GNAO1: variants seen among roughly 807,000 people sequenced by gnomAD.
The protein encoded by GNAO1 is guanine nucleotide-binding protein G(o) subunit alpha.
For missense variants in GNAO1, 166 were observed against 478.7 expected (o/e 0.35, Z 6.10); for synonymous variants, 164 against 180.7 (o/e 0.91, Z 0.74).
At chr16:56,224,949 G>A (rs1431784412) in intron 2 of GNAO1, among the ~76,000 whole-genome samples, 3 of 152,234 alleles carry the variant, frequency 2.0e-5, no homozygotes, top group African/African-American at 7.2e-5. Context: ...CAGGGACAGA[G>A]CTGTGCTGTC....
intron 2 of GNAO1, among the ~76,000 whole-genome samples, chr16:56,224,866 ACTTAT>A (rs1567444907): frequency 4.6e-5 from 7 of 152,214 alleles, no homozygotes; most frequent in African/African-American, 1.7e-4. Flanking sequence ...CCATCTGGAC[ACTTAT>A]AAGGTCTCAA....
At chr16:56,334,303 G>C (rs569110121) in intron 4 of GNAO1, among the ~76,000 whole-genome samples, 1 of 152,202 alleles carries the variant, frequency 6.6e-6, no homozygotes, top group African/African-American at 2.4e-5. Flanking sequence ...CCTCAGGCAA[G>C]GTACTTACCT....
At position 56,311,014 on chromosome 16, in the gene GNAO1, A is replaced by G. The variant is rs762265992; in HGVS notation, c.304-17617A>G. Among the ~76,000 whole-genome samples, 8 of 152,202 alleles carry G rather than the reference A, an allele frequency of 5.3e-5. No homozygotes were observed. The highest frequency in any genetic ancestry group is 8.8e-5 in the Non-Finnish European group (6 of 68,048). On this transcript the variant is annotated intron_variant, in intron 3 of 8. Transcript: ENST00000262493. The surrounding 1 kb of genome is among the most constrained non-coding windows in gnomAD (Gnocchi z 5.2). ...ATTGATTTCAACTTAGTTACATGGC[A>G]GGTTGTGGCCTACAGAAAAGTTCCC...
chr16:56,219,642 C>T (rs1404053805), intron 2 of GNAO1, among the ~76,000 whole-genome samples: 1 of 152,124 alleles, frequency 6.6e-6, no homozygotes, highest in African/African-American at 2.4e-5. Context: ...TTAAGGTGTA[C>T]AGCAAACCAG....
intron 4 of GNAO1, 22 bp from the exon 5 acceptor site, chr16:56,334,707 C>T (rs749436723): frequency 5.0e-6 from 8 of 1,613,546 alleles, no homozygotes; most frequent in Non-Finnish European, 6.8e-6. Context: ...GTCCATAGTC[C>T]CCTGTTTGTT....
At chr16:56,287,103 C>T (rs1315640575) in intron 3 of GNAO1, among the ~76,000 whole-genome samples, 1 of 152,226 alleles carries the variant, frequency 6.6e-6, no homozygotes, top group Non-Finnish European at 1.5e-5. Context: ...GGTGGCAGGA[C>T]ACATGGGTGC....
intron 2 of GNAO1, chr16:56,193,885 G>GT: frequency 8.4e-6 from 3 of 356,588 alleles, no homozygotes; most frequent in Non-Finnish European, 1.7e-5. Context: ...CTAATTAGGG[G>GT]TTGCTGTGCA....
At chr16:56,245,650 A>G (rs1169314058) in intron 2 of GNAO1, 1 of 154,774 alleles carries the variant, frequency 6.5e-6, no homozygotes, top group Non-Finnish European at 1.5e-5. Flanking sequence ...AGGGCACTTG[A>G]ATAGAAAGAG....
chr16:56,192,514 T>A, intron 1 of GNAO1, 60 bp from the exon 2 acceptor site: 24 of 527,554 alleles, frequency 4.5e-5, no homozygotes, highest in Non-Finnish European at 7.2e-5. Context: ...AGTCCCCCCC[T>A]CCCCCTGTTC....
In GNAO1 at chr16:56,328,599, C is replaced by T. The variant is rs112992264; in HGVS notation, c.304-32C>T. Reference sequence around the variant, plus strand: ...CAGAGGTCTTCTGTCCCCACCAAAGCGTCAAAGCCCACCATCCACCTCTCC... The same window carrying T: ...CAGAGGTCTTCTGTCCCCACCAAAGTGTCAAAGCCCACCATCCACCTCTCC... On this transcript the variant is annotated intron_variant, in intron 3 of 8. Transcript: ENST00000262493. The T allele has an allele frequency of 3.6e-4, 579 of 1,606,598 alleles. 5 individuals are homozygous for T. The African/African-American group carries it at 6.2e-3, about 17-fold the overall frequency.
intron 2 of GNAO1, among the ~76,000 whole-genome samples, chr16:56,237,768 G>GA (rs373985828): frequency 1.1e-3 from 165 of 147,764 alleles, no homozygotes; most frequent in Middle Eastern, 0.011. Context: ...TCTGGCTCCA[G>GA]AAAAAAAAAA....
At chr16:56,289,312 A>G (rs1312759376) in intron 3 of GNAO1, among the ~76,000 whole-genome samples, 5 of 152,116 alleles carry the variant, frequency 3.3e-5, no homozygotes, top group African/African-American at 1.2e-4. Context: ...CTTTTTTGCC[A>G]TCCATCAATG....
intron 3 of GNAO1, among the ~76,000 whole-genome samples, chr16:56,305,374 G>A (rs190307678): frequency 4.5e-4 from 68 of 152,318 alleles, no homozygotes; most frequent in African/African-American, 1.6e-3. Flanking sequence ...AGAAAATCAT[G>A]TTAGGATGAG....
chr16:56,347,916 C>T lies in GNAO1; in HGVS notation c.724-3468C>T, dbSNP rs1210672491. 6 of 918,772 alleles carry T rather than the reference C, an allele frequency of 6.5e-6. No individual in the cohort carries two copies. In the African/African-American group the frequency reaches 8.9e-5, roughly 14 times the overall value. 56.9% of individuals were successfully genotyped at this position (918,772 alleles called of 1,614,324 possible). ...TCCCCTGGCTCTGCCCGCCGTCCCC[C>T]ACCCTGCCCCTGCTGAGTATCTTCT... On this transcript the variant is annotated intron_variant, in intron 6 of 8. Coordinates refer to ENST00000262493, the MANE Select transcript of GNAO1 (RefSeq NM_020988.3).
chr16:56,222,317 T>C (rs573990986), intron 2 of GNAO1, among the ~76,000 whole-genome samples: 3 of 152,108 alleles, frequency 2.0e-5, no homozygotes, highest in Non-Finnish European at 4.4e-5. Flanking sequence ...TGCAGTCCTT[T>C]TTCATTATTT....
At chr16:56,313,161 A>G (rs1424970047) in intron 3 of GNAO1, among the ~76,000 whole-genome samples, 2 of 152,210 alleles carry the variant, frequency 1.3e-5, no homozygotes, top group Admixed American at 6.5e-5. Context: ...AGTAAGTATT[A>G]CTCATTCGGT....
intron 2 of GNAO1, chr16:56,193,671 C>T (rs1489876867): frequency 3.2e-5 from 6 of 186,072 alleles, no homozygotes; most frequent in Admixed American, 2.8e-4. Flanking sequence ...TGCAGGCTCG[C>T]TTCTTGCCCT....
intron 3 of GNAO1, among the ~76,000 whole-genome samples, chr16:56,279,132 G>A (rs2037091373): frequency 6.6e-6 from 1 of 151,988 alleles, no homozygotes; most frequent in African/African-American, 2.4e-5. Flanking sequence ...AGCACCTGCC[G>A]GGGCCAGCCA....
chr16:56,229,416 C>T (rs1210880885), intron 2 of GNAO1, among the ~76,000 whole-genome samples: 1 of 152,158 alleles, frequency 6.6e-6, no homozygotes, highest in Non-Finnish European at 1.5e-5. Context: ...CCATGTTGGC[C>T]AGGCTGGTCT....
Sources: allele counts gnomAD v4.1 joint callset (sites outside exome capture counted in the v4.1 genomes callset), GRCh38; gene constraint gnomAD v4.1.1; non-coding constraint Gnocchi (gnomAD v3.1); transcripts MANE v1.5; gene names NCBI Gene and HGNC (gene_info 2026-07-23, HGNC 2026-07-21).